Variants in DPP10 observed in about 807,000 individuals in gnomAD.
DPP10 encodes the protein inactive dipeptidyl peptidase 10.
A neutral mutation model predicts 120.9 loss-of-function variants in DPP10; 33 were observed. The ratio of observed to expected loss-of-function variants is 0.27; its 90% CI spans 0.21 to 0.37. The LOEUF (loss-of-function observed/expected upper bound fraction) is 0.37, where lower values mean the gene tolerates loss of function less well. DPP10 is among the 10% of genes least tolerant of loss of function. DPP10 has a pLI of 1.00. For missense variants in DPP10, 816 were observed against 942.8 expected, an observed-to-expected ratio of 0.87 and a Z score of 1.76; for synonymous variants, 337 against 326.1, an observed-to-expected ratio of 1.03 and a Z score of -0.36.
chr2:115,521,456 G>A (rs965609887), intron 4 of DPP10, among the ~76,000 whole-genome samples: 3 of 152,064 alleles, frequency 2.0e-5, no homozygotes, highest in Non-Finnish European at 4.4e-5. Flanking sequence ...AAATTCGAAT[G>A]TCTAAAACTT....
chr2:114,495,356 C>G (rs1022384478), intron 1 of DPP10, among the ~76,000 whole-genome samples: 1 of 152,106 alleles, frequency 6.6e-6, no homozygotes, highest in Non-Finnish European at 1.5e-5. Flanking sequence ...TTTGCATTTC[C>G]CATCCCAGTT....
chr2:115,680,548 A>T (rs981916611), intron 5 of DPP10, among the ~76,000 whole-genome samples: 1 of 151,994 alleles, frequency 6.6e-6, no homozygotes, highest in Non-Finnish European at 1.5e-5. Flanking sequence ...AAGTGGATGT[A>T]TACCTCACAC....
chr2:115,175,920 G>C (rs1312938420), intron 1 of DPP10, among the ~76,000 whole-genome samples: 6 of 152,218 alleles, frequency 3.9e-5, no homozygotes, highest in Non-Finnish European at 8.8e-5. Context: ...ATCACTTGGG[G>C]ATATTGCTGA....
chr2:115,289,179 A>G (rs990935983), intron 1 of DPP10, among the ~76,000 whole-genome samples: 1 of 152,196 alleles, frequency 6.6e-6, no homozygotes, highest in Non-Finnish European at 1.5e-5. Context: ...CAAGAACTCA[A>G]CCGCTTTTAT....
chr2:114,622,697 G>A (rs779764033), intron 1 of DPP10, among the ~76,000 whole-genome samples: 1 of 152,008 alleles, frequency 6.6e-6, no homozygotes, highest in Non-Finnish European at 1.5e-5. Flanking sequence ...AGAGAAAAGG[G>A]CCTTCTTTCT....
intron 1 of DPP10, among the ~76,000 whole-genome samples, chr2:115,038,411 C>T (rs868652314): frequency 1.1e-4 from 16 of 151,998 alleles, no homozygotes; most frequent in African/African-American, 3.4e-4. Context: ...GCTGGGACTA[C>T]AGGCGCCCGC....
intron 5 of DPP10, among the ~76,000 whole-genome samples, chr2:115,637,660 T>A (rs1205422096): frequency 6.6e-6 from 1 of 152,152 alleles, no homozygotes; most frequent in Non-Finnish European, 1.5e-5. Flanking sequence ...AAAACTCTTA[T>A]TGAATTTATG....
intron 1 of DPP10, among the ~76,000 whole-genome samples, chr2:114,670,446 C>G: frequency 6.6e-6 from 1 of 151,746 alleles, no homozygotes; most frequent in East Asian, 1.9e-4. Flanking sequence ...AACCAAACAC[C>G]GCATGTTCTC....
chr2:115,131,780 T>A (rs1343662033), intron 1 of DPP10: 1 of 152,086 alleles, frequency 6.6e-6, no homozygotes, highest in East Asian at 1.9e-4. Context: ...CCTACAGGTA[T>A]CCTGAGGTGG....
intron 1 of DPP10, among the ~76,000 whole-genome samples, chr2:114,493,444 A>G (rs1311419675): frequency 6.6e-6 from 1 of 152,142 alleles, no homozygotes; most frequent in African/African-American, 2.4e-5. Flanking sequence ...CACAGCATGT[A>G]AGAGAGGGAC....
At chr2:115,010,461 G>T (rs1702183114) in intron 1 of DPP10, among the ~76,000 whole-genome samples, 1 of 152,056 alleles carries the variant, frequency 6.6e-6, no homozygotes, top group African/African-American at 2.4e-5. Context: ...ATGCCCAGGT[G>T]TCAGTCACAA....
intron 3 of DPP10, among the ~76,000 whole-genome samples, chr2:115,447,586 A>G (rs896599046): frequency 6.6e-6 from 1 of 152,152 alleles, no homozygotes; most frequent in African/African-American, 2.4e-5. Flanking sequence ...GGTTCCTCCC[A>G]TGCTGCTCTT....
At chr2:115,185,741 A>G (rs999756582) in intron 1 of DPP10, among the ~76,000 whole-genome samples, 1 of 152,228 alleles carries the variant, frequency 6.6e-6, no homozygotes, top group Non-Finnish European at 1.5e-5. Context: ...TGTGGCTCTA[A>G]TTCAGTGTGG....
intron 1 of DPP10, among the ~76,000 whole-genome samples, chr2:114,486,371 A>G (rs1369413626): frequency 1.3e-5 from 2 of 152,192 alleles, no homozygotes; most frequent in African/African-American, 4.8e-5. Context: ...AAGATATTAA[A>G]TAGATATTAA....
At chr2:115,776,613 A>G (rs1682127298) in intron 13 of DPP10, among the ~76,000 whole-genome samples, 1 of 152,114 alleles carries the variant, frequency 6.6e-6, no homozygotes, top group African/African-American at 2.4e-5. Context: ...TAGTATTTCT[A>G]AGAATACTTT....
chr2:114,629,721 C>A (rs910603482), intron 1 of DPP10, among the ~76,000 whole-genome samples: 1 of 152,032 alleles, frequency 6.6e-6, no homozygotes, highest in African/African-American at 2.4e-5. Context: ...ACGATATGGA[C>A]CTAAATTCAT....
chr2:114,522,831 AAG>A (rs968560445), intron 1 of DPP10, among the ~76,000 whole-genome samples: 1 of 152,308 alleles, frequency 6.6e-6, no homozygotes, highest in Admixed American at 6.5e-5. Flanking sequence ...GCAGCAGGCA[AAG>A]AGAGAGAACT....
At chr2:114,824,066 T>C (rs1686322219) in intron 1 of DPP10, among the ~76,000 whole-genome samples, 1 of 152,210 alleles carries the variant, frequency 6.6e-6, no homozygotes, top group African/African-American at 2.4e-5. Flanking sequence ...CAATTTTTAA[T>C]TGATTTTTTC....
intron 1 of DPP10, among the ~76,000 whole-genome samples, chr2:115,214,960 G>C (rs1479874569): frequency 6.6e-6 from 1 of 152,166 alleles, no homozygotes; most frequent in African/African-American, 2.4e-5. Context: ...TTGGCAGCTA[G>C]ACTGCTGTCT....
Sources: allele counts gnomAD v4.1 joint callset (sites outside exome capture counted in the v4.1 genomes callset), GRCh38; gene constraint gnomAD v4.1.1; transcripts MANE v1.5; gene names NCBI Gene and HGNC (gene_info 2026-07-23, HGNC 2026-07-21).